ZFYVE16: variants seen among roughly 807,000 people sequenced by gnomAD.
The protein encoded by ZFYVE16 is zinc finger FYVE-type containing 16.
Under a neutral mutation model 138.1 loss-of-function variants are expected in ZFYVE16, and 89 were observed. That is an observed-to-expected ratio of 0.64 (90% CI 0.54 to 0.77). ZFYVE16 has a LOEUF of 0.77. Ranked by LOEUF, ZFYVE16 falls within the 30% of genes least tolerant of loss-of-function variation. ZFYVE16 has a pLI of 0.00. For missense variants in ZFYVE16, 1,793 were observed against 1,786.7 expected, an observed-to-expected ratio of 1.00 and a Z score of -0.06; for synonymous variants, 596 against 618.3, an observed-to-expected ratio of 0.96 and a Z score of 0.53.
chr5:80,426,448 AC>A (rs560145882), intron 1 of ZFYVE16, among the ~76,000 whole-genome samples: 19 of 138,990 alleles, frequency 1.4e-4, no homozygotes, highest in South Asian at 7.1e-4. Flanking sequence ...CCTCACCACC[AC>A]CCCCCCACCC....
intron 1 of ZFYVE16, among the ~76,000 whole-genome samples, chr5:80,426,293 T>TATATATATAAATAAATAA (rs1402433567): frequency 8.0e-4 from 71 of 88,704 alleles, no homozygotes; most frequent in African/African-American, 2.2e-3. Flanking sequence ...TATATATATA[T>TATATATATAAATAAATAA]AATTAAATTT....
intron 13 of ZFYVE16, among the ~76,000 whole-genome samples, 164 bp from the exon 14 acceptor site, chr5:80,456,781 T>C (rs1257950436): frequency 6.6e-6 from 1 of 152,228 alleles, no homozygotes; most frequent in Non-Finnish European, 1.5e-5. Flanking sequence ...ACTGTTCAAC[T>C]GAAGTGCTTT....
At position 80,480,637 on chromosome 5, in the gene ZFYVE16, T is replaced by C. The variant is rs1233552373; in HGVS notation, c.*3260T>C. On this transcript the variant is annotated 3_prime_UTR_variant, in exon 19 of 19. Transcript: ENST00000505560. ...ACTAGAAAATCCACACATAGACACA[T>C]AATAAGGCCAGGTGCAGTGGCTCAC... 1.3e-5 allele frequency among the ~76,000 whole-genome samples: 2 copies of C among 151,896 alleles called. No homozygotes were observed. The highest frequency in any genetic ancestry group is 2.9e-5 in the Non-Finnish European group (2 of 67,946).
chr5:80,459,341 A>G, intron 14 of ZFYVE16, 73 bp from the exon 15 acceptor site: 9 of 1,325,836 alleles, frequency 6.8e-6, no homozygotes, highest in Non-Finnish European at 9.7e-6. Flanking sequence ...GCATATCCAC[A>G]TTCTGCATTT....
rs919226245 is a variant in ZFYVE16 at position 80,474,719 on chromosome 5, T to G, written c.4350T>G (p.Phe1450Leu). ...CTATTTTATCAACTTCTTATCAGTT[T>G]GCAAAAGAAATAGCCATGGCTTGTA... The part of the protein sequence containing the change: ...DLSILSTSYQ[F>L]AKEIAMACSA... Residue 1450 changes from phenylalanine (F) to leucine (L), a missense_variant, in exon 18 of 19, where the codon TTT becomes TTG. Physicochemically the swap from Phe to Leu is conservative, Grantham distance 22. Coordinates refer to ENST00000505560, the MANE Select transcript of ZFYVE16 (RefSeq NM_001284236.3). 6.2e-7 allele frequency: 1 copy of G among 1,613,846 alleles called. No homozygotes were observed. Among genetic ancestry groups the G allele is most frequent in the African/African-American group, 1.3e-5 (1 of 74,932 alleles).
chr5:80,457,159 G>A (rs1752608400), intron 14 of ZFYVE16, 67 bp downstream of exon 14: 5 of 1,558,442 alleles, frequency 3.2e-6, no homozygotes, highest in Non-Finnish European at 4.3e-6. Flanking sequence ...CTTTCAAAGG[G>A]GAAATATATG....
intron 6 of ZFYVE16, 57 bp from the exon 7 acceptor site, chr5:80,445,206 A>G (rs1751162241): frequency 1.9e-6 from 3 of 1,579,066 alleles, no homozygotes; most frequent in Non-Finnish European, 2.6e-6. Flanking sequence ...TCTTTTTGGC[A>G]TTAAATCATT....
At chr5:80,440,194 G>C in intron 5 of ZFYVE16, 162 bp downstream of exon 5, 3 of 1,243,102 alleles carry the variant, frequency 2.4e-6, no homozygotes, top group Non-Finnish European at 3.0e-6. Flanking sequence ...TCTTCTTTTT[G>C]TTCCACTCTC....
rs868099238 is a variant in ZFYVE16, at chr5:80,472,902, C to T, written c.4166C>T (p.Ala1389Val). Residue 1389 changes from alanine to valine, a missense_variant, in exon 16 of 19, where the codon GCT becomes GTT. Ala to Val is a moderately conservative substitution (Grantham distance 64, BLOSUM62 0). Around this residue, in one of 2 missense-constraint regions of ZFYVE16, gnomAD observed 498 missense variants for 582.4 expected, o/e 0.86. Transcript: ENST00000505560. ...TACGTGGATATCTGCTGGGTAGATGCTGAAGAAAAAGGAAACAAAGGGTAG... is the reference window on the plus strand; with the variant it reads ...TACGTGGATATCTGCTGGGTAGATGTTGAAGAAAAAGGAAACAAAGGGTAG... The part of the protein sequence containing the change: ...REYVDICWVD[A>V]EEKGNKGVIS... 5 of 1,600,668 alleles carry T rather than the reference C, an allele frequency of 3.1e-6. No homozygotes were observed. The South Asian group carries it at 4.5e-5, about 15-fold the overall frequency.
chr5:80,426,282 A>G (rs1347674824), intron 1 of ZFYVE16, among the ~76,000 whole-genome samples: 6 of 147,972 alleles, frequency 4.1e-5, no homozygotes, highest in African/African-American at 1.5e-4. Context: ...GTATATATAT[A>G]TATATATATA....
intron 12 of ZFYVE16, chr5:80,456,009 C>T: frequency 2.3e-6 from 1 of 435,710 alleles, no homozygotes; most frequent in Non-Finnish European, 4.0e-6. Context: ...CCTTTTGATT[C>T]ATTCTCCTGC....
chr5:80,414,786 T>C (rs1297300094), intron 1 of ZFYVE16, among the ~76,000 whole-genome samples: 14 of 152,096 alleles, frequency 9.2e-5, no homozygotes, highest in Non-Finnish European at 1.3e-4. Flanking sequence ...GTAAAGTAAA[T>C]AACTGCTTTA....
chr5:80,440,607 A>T (rs1750565068), intron 5 of ZFYVE16: 1 of 977,962 alleles, frequency 1.0e-6, no homozygotes. Context: ...TTGGCTCTCT[A>T]ATTAGCTACA....
intron 1 of ZFYVE16, 146 bp downstream of exon 1, chr5:80,408,299 C>T (rs1341272296): frequency 6.6e-6 from 1 of 152,550 alleles, no homozygotes; most frequent in Admixed American, 6.5e-5. Flanking sequence ...CCGACCGATT[C>T]CTTTTCCGAG....
chr5:80,462,647 A>G (rs1753252465), intron 15 of ZFYVE16, among the ~76,000 whole-genome samples: 1 of 152,336 alleles, frequency 6.6e-6, no homozygotes, highest in African/African-American at 2.4e-5. Context: ...TGCCTTTGCA[A>G]CAGTCTCCCA....
upstream of ZFYVE16, chr5:80,407,899 C>G (rs1172593655): frequency 6.6e-6 from 1 of 152,418 alleles, no homozygotes; most frequent in African/African-American, 2.4e-5. Flanking sequence ...ATCTAGTGCC[C>G]TTGGCTCGGA....
chr5:80,415,926 A>G (rs1447973188), intron 1 of ZFYVE16, among the ~76,000 whole-genome samples: 1 of 151,976 alleles, frequency 6.6e-6, no homozygotes, highest in Non-Finnish European at 1.5e-5. Flanking sequence ...TCAGCCTCCC[A>G]AAGTGCTGGG....
chr5:80,473,802 AAAAAT>A lies in ZFYVE16; in HGVS notation c.4241_4245del (p.Ile1414ThrfsTer6), dbSNP rs1472961510. The A allele has an allele frequency of 6.2e-7, 1 of 1,613,444 alleles. No homozygotes were observed. Among genetic ancestry groups the A allele is most frequent in the Admixed American group, 1.7e-5 (1 of 59,962 alleles). The stretch of plus-strand genomic sequence containing the variant: ...TATCATTACAAGGATTTCCAAGTGA[AAAAAT>A]AAAACTGGAAGCAGATTTTGAAACC... On this transcript the variant is annotated frameshift_variant, in exon 17 of 19. Coordinates refer to ENST00000505560, the MANE Select transcript of ZFYVE16 (RefSeq NM_001284236.3). LOFTEE classifies it high-confidence loss of function.
chr5:80,451,400 TTTGGA>T, intron 10 of ZFYVE16, 80 bp from the exon 11 acceptor site: 1 of 1,064,616 alleles, frequency 9.4e-7, no homozygotes, highest in South Asian at 1.7e-5. Flanking sequence ...GGATCAGTTT[TTTGGA>T]TTTTGGACAA....
Sources: gnomAD v4.1 joint callset for allele counts (sites outside exome capture counted in the v4.1 genomes callset) on GRCh38, gnomAD v4.1.1 for gene constraint, gnomAD v4.1.1 regional missense constraint, MANE v1.5 for transcripts, NCBI Gene and HGNC (gene_info 2026-07-23, HGNC 2026-07-21) for gene names.